PPP6R2: variants seen among roughly 807,000 people sequenced by gnomAD.
PPP6R2 encodes protein phosphatase 6 regulatory subunit 2, also known as serine/threonine-protein phosphatase 6 regulatory subunit 2.
In PPP6R2, 62 loss-of-function variants were observed where a neutral mutation model predicts 100.2. That is an observed-to-expected ratio of 0.62 (90% CI 0.50 to 0.76). PPP6R2 has a LOEUF of 0.76. Among genes scored for constraint, PPP6R2 ranks in the 30% least tolerant of loss-of-function variants. The probability of loss-of-function intolerance (pLI) is 0.00; values close to 1 mark genes in which losing one functional copy is unlikely to be tolerated. For missense variants in PPP6R2, 1,142 were observed against 1,276.3 expected, an observed-to-expected ratio of 0.89 and a Z score of 1.60; for synonymous variants, 525 against 514.7, an observed-to-expected ratio of 1.02 and a Z score of -0.27.
chr22:50,339,279 G>T (rs2042341006), upstream of PPP6R2, among the ~76,000 whole-genome samples: 3 of 130,936 alleles, frequency 2.3e-5, no homozygotes, highest in Non-Finnish European at 3.2e-5. Context: ...GTGTGTGTAG[G>T]GTGTGTGTTG....
intron 5 of PPP6R2, 48 bp from the exon 6 acceptor site, chr22:50,416,044 T>C (rs373214081): frequency 2.5e-4 from 382 of 1,532,766 alleles, no homozygotes; most frequent in Non-Finnish European, 3.3e-4. Flanking sequence ...TCCTGTTGTT[T>C]ACTTAGACTT....
chr22:50,340,949 C>T (rs2042364024), upstream of PPP6R2, among the ~76,000 whole-genome samples: 1 of 152,042 alleles, frequency 6.6e-6, no homozygotes, highest in Admixed American at 6.5e-5. Context: ...CTCGCTCTGT[C>T]GCCCAGGCTG....
intron 1 of PPP6R2, among the ~76,000 whole-genome samples, chr22:50,357,865 T>C (rs2148263117): frequency 6.6e-6 from 1 of 151,920 alleles, no homozygotes; most frequent in Admixed American, 6.6e-5. Flanking sequence ...ACCTCGTGAT[T>C]CGTCCTCCTT....
Position 50,423,617 on chromosome 22 carries a change from A to C in PPP6R2, c.1125+3A>C. On this transcript the variant is annotated splice_donor_region_variant and intron_variant, in intron 10 of 23. Coordinates refer to ENST00000612753, the MANE Select transcript of PPP6R2 (RefSeq NM_001242898.2). This position sits in a 1 kb window ranked among gnomAD's most constrained non-coding sequence, Gnocchi z 4.8. The stretch of plus-strand genomic sequence containing the variant: ...TCAACACGATGGACTTACTGCTGGT[A>C]AGTGGGCCCCTCAGCCAGCCCTGCA... The C allele has an allele frequency of 6.2e-7, 1 of 1,614,024 alleles. No individual in the cohort carries two copies. The highest frequency in any genetic ancestry group is 1.3e-5 in the African/African-American group (1 of 75,058).
Position 50,431,329 on chromosome 22 carries a change from C to T in PPP6R2, c.1282C>T (p.Leu428=), listed in dbSNP as rs1467441727. 6.2e-7 allele frequency: 1 copy of T among 1,613,144 alleles called. No individual in the cohort carries two copies. Among genetic ancestry groups the T allele is most frequent in the East Asian group, 2.2e-5 (1 of 44,886 alleles). ...EPPHENGNRS[L]ETPQPAASLP... Reference sequence around the variant, plus strand: ...TCCGCATGAGAACGGGAACCGGAGCCTGGAGACTCCCCAGCCGGCCGCCAG... The same window carrying T: ...TCCGCATGAGAACGGGAACCGGAGCTTGGAGACTCCCCAGCCGGCCGCCAG... The change falls in exon 11 of 24, where the codon CTG becomes TTG. Residue 428 remains leucine (L), a synonymous_variant. Coordinates refer to ENST00000612753, the MANE Select transcript of PPP6R2 (RefSeq NM_001242898.2). The surrounding 1 kb of genome is among the most constrained non-coding windows in gnomAD (Gnocchi z 4.8).
intron 10 of PPP6R2, among the ~76,000 whole-genome samples, chr22:50,429,365 G>A (rs1569479995): frequency 6.6e-6 from 1 of 152,098 alleles, no homozygotes; most frequent in African/African-American, 2.4e-5. Context: ...TTTTGTATGA[G>A]TTGAGATGAT....
intron 4 of PPP6R2, among the ~76,000 whole-genome samples, chr22:50,413,976 C>A (rs1226385345): frequency 6.6e-6 from 1 of 152,184 alleles, no homozygotes; most frequent in Non-Finnish European, 1.5e-5. Context: ...GGTGCTGTGC[C>A]CCCCCATGGC....
At chr22:50,362,341 G>A (rs773084925) in intron 1 of PPP6R2, among the ~76,000 whole-genome samples, 1 of 152,214 alleles carries the variant, frequency 6.6e-6, no homozygotes, top group Non-Finnish European at 1.5e-5. Context: ...GCCATCTCTC[G>A]GGGCTGTGTG....
Position 50,343,501 on chromosome 22 carries a change from C to T in PPP6R2, c.-197C>T, listed in dbSNP as rs1755025564. The T allele has an allele frequency of 6.6e-6, 1 of 151,148 alleles. No individual in the cohort carries two copies. The highest frequency in any genetic ancestry group is 2.4e-5 in the African/African-American group (1 of 41,290). 9.4% of individuals were successfully genotyped at this position (151,148 alleles called of 1,614,324 possible). On this transcript the variant is annotated 5_prime_UTR_variant, in exon 1 of 24. Transcript: ENST00000612753. ...CCAGCGCCCTGGCCTCCGCTCGGGC[C>T]TCCACACGGGCCTCCGAAGAGCTGC...
intron 1 of PPP6R2, among the ~76,000 whole-genome samples, chr22:50,364,790 G>A (rs1317495915): frequency 1.3e-5 from 2 of 152,134 alleles, no homozygotes; most frequent in Non-Finnish European, 2.9e-5. Flanking sequence ...GTACGGTTAT[G>A]GAATCAGGTG....
chr22:50,380,191 TAG>T (rs1033127147), intron 2 of PPP6R2, among the ~76,000 whole-genome samples: 1 of 151,842 alleles, frequency 6.6e-6, no homozygotes, highest in East Asian at 1.9e-4. Flanking sequence ...CCCGTGGTGA[TAG>T]AGAGGAAGAG....
intron 4 of PPP6R2, among the ~76,000 whole-genome samples, chr22:50,410,661 C>T (rs1257637920): frequency 6.6e-6 from 1 of 151,480 alleles, no homozygotes; most frequent in African/African-American, 2.4e-5. Flanking sequence ...AAAAAAGAAC[C>T]TCTTATTTTT....
chr22:50,375,983 G>C (rs2051455065), intron 2 of PPP6R2, among the ~76,000 whole-genome samples: 3 of 151,662 alleles, frequency 2.0e-5, no homozygotes, highest in Admixed American at 6.6e-5. Context: ...TGGGACTATA[G>C]GCGTGTGTCC....
intron 1 of PPP6R2, among the ~76,000 whole-genome samples, chr22:50,352,383 G>A (rs186863945): frequency 1.5e-3 from 232 of 152,252 alleles, no homozygotes; most frequent in African/African-American, 5.4e-3. Context: ...AAGAGTGAGG[G>A]CCTTACTGTA....
intron 12 of PPP6R2, among the ~76,000 whole-genome samples, chr22:50,433,155 G>A (rs971401019): frequency 6.6e-6 from 1 of 151,888 alleles, no homozygotes; most frequent in African/African-American, 2.4e-5. Context: ...GAAGTGTCCT[G>A]GAGGAGGGCA....
At chr22:50,418,392 CTT>C (rs140685653) in intron 6 of PPP6R2, among the ~76,000 whole-genome samples, 2 of 146,384 alleles carry the variant, frequency 1.4e-5, no homozygotes, top group Non-Finnish European at 1.5e-5. Context: ...ACATCTTTTT[CTT>C]TTTTTTTTTG....
chr22:50,423,346 T>C lies in PPP6R2; in HGVS notation c.973-116T>C. 1 of 1,315,500 alleles carries C rather than the reference T, an allele frequency of 7.6e-7. No homozygotes were observed. Among genetic ancestry groups the C allele is most frequent in the Non-Finnish European group, 1.0e-6 (1 of 952,550 alleles). 81.5% of individuals were successfully genotyped at this position (1,315,500 alleles called of 1,614,324 possible). On this transcript the variant is annotated intron_variant, in intron 9 of 23. Transcript: ENST00000612753. This position sits in a 1 kb window ranked among gnomAD's most constrained non-coding sequence, Gnocchi z 4.8. The stretch of plus-strand genomic sequence containing the variant: ...CCCTCCCTGAGGAACCCCCACCACA[T>C]ACCTCGCTACCCCAGGCTGGGTCCC...
chr22:50,435,848 C>T (rs1040989711), intron 13 of PPP6R2, among the ~76,000 whole-genome samples: 5 of 152,272 alleles, frequency 3.3e-5, no homozygotes, highest in African/African-American at 7.2e-5. Context: ...TTTAAGGAGG[C>T]GAGGGGCAAG....
chr22:50,357,311 A>T (rs1602222027), intron 1 of PPP6R2, among the ~76,000 whole-genome samples: 1 of 152,212 alleles, frequency 6.6e-6, no homozygotes, highest in South Asian at 2.1e-4. Flanking sequence ...ATATACATAC[A>T]TAGTGAGGGG....
Sources: allele counts gnomAD v4.1 joint callset (sites outside exome capture counted in the v4.1 genomes callset), GRCh38; gene constraint gnomAD v4.1.1; non-coding constraint Gnocchi (gnomAD v3.1); transcripts MANE v1.5; gene names NCBI Gene and HGNC (gene_info 2026-07-23, HGNC 2026-07-21).